Variants in GRIN3B observed in about 807,000 individuals in gnomAD.
GRIN3B encodes the protein glutamate ionotropic receptor NMDA type subunit 3B.
A neutral mutation model predicts 66.0 loss-of-function variants in GRIN3B; 77 were observed. The ratio of observed to expected loss-of-function variants is 1.17; its 90% CI spans 0.97 to 1.41. The LOEUF is 1.41. Ranked by LOEUF, GRIN3B falls within the 40% of genes most tolerant of loss-of-function variation. The pLI, the probability that GRIN3B is intolerant of heterozygous loss-of-function variation, is 0.00. For missense variants in GRIN3B, 1,787 were observed against 1,564.5 expected, an observed-to-expected ratio of 1.14 and a Z score of -2.40; for synonymous variants, 823 against 749.7, an observed-to-expected ratio of 1.10 and a Z score of -1.60.
Position 1,000,533 on chromosome 19 carries a change from C to T in GRIN3B, c.96C>T (p.Arg32=). Residue 32 remains arginine, a synonymous_variant, in exon 1 of 9, where the codon CGC becomes CGT. Transcript: ENST00000234389. Reference sequence around the variant, plus strand: ...CTCAGCCGTGCGGCGTCCTGGCGCGCCTCGGGGGCTCCGTGCGCCTGGGCG... The same window carrying T: ...CTCAGCCGTGCGGCGTCCTGGCGCGTCTCGGGGGCTCCGTGCGCCTGGGCG... ...GHPQPCGVLA[R]LGGSVRLGAL... is the part of the protein sequence containing the mutation. 6.0e-6 allele frequency: 7 copies of T among 1,168,788 alleles called. No homozygotes were observed. The highest frequency in any genetic ancestry group is 7.4e-6 in the Non-Finnish European group (7 of 947,604). 72.4% of individuals were successfully genotyped at this position (1,168,788 alleles called of 1,614,324 possible).
rs889997671 is a variant in GRIN3B, at chr19:1,003,721, C to G, written c.1018C>G (p.Arg340Gly). 7.1e-7 allele frequency: 1 copy of G among 1,399,882 alleles called. No homozygotes were observed. The highest frequency in any genetic ancestry group is 9.2e-7 in the Non-Finnish European group (1 of 1,083,088). The allele number at this position is 1,399,882 out of a possible 1,614,324, so 86.7% of individuals were successfully genotyped here. Residue 340 changes from arginine (R) to glycine (G), a missense_variant and splice_region_variant, in exon 2 of 9, where the codon CGG becomes GGG. Arg to Gly is a moderately radical substitution (Grantham distance 125). Coordinates refer to ENST00000234389, the MANE Select transcript of GRIN3B (RefSeq NM_138690.3). Reference protein sequence around the residue: ...GPESPGRFLARFLANTSFQGR... With the variant: ...GPESPGRFLAGFLANTSFQGR... ...CGAGTCCCCGGGGCGCTTCTTGGCACGGTGAGTGGGGACCCTGCTTCCCTT... is the reference window on the plus strand; with the variant it reads ...CGAGTCCCCGGGGCGCTTCTTGGCAGGGTGAGTGGGGACCCTGCTTCCCTT...
rs774406129 is a variant in GRIN3B, at chr19:1,003,153, C to T, written c.450C>T (p.His150=). ...AGAACCCATTCCACCTGCAGCTGCA[C>T]TGGGCCAGCCCCCTGGAGACGCTGC... ...GAPNPFHLQL[H]WASPLETLLD... The change falls in exon 2 of 9, where the codon CAC becomes CAT. Residue 150 remains histidine (H), a synonymous_variant. Coordinates refer to ENST00000234389, the MANE Select transcript of GRIN3B (RefSeq NM_138690.3). 2 of 1,466,774 alleles carry T rather than the reference C, an allele frequency of 1.4e-6. No homozygotes were observed. The highest frequency in any genetic ancestry group is 1.8e-6 in the Non-Finnish European group (2 of 1,111,958). The allele number at this position is 1,466,774 out of a possible 1,614,324, so 90.9% of individuals were successfully genotyped here.
At position 1,003,247 on chromosome 19, in the gene GRIN3B, C is replaced by G. The variant is rs780664333; in HGVS notation, c.544C>G (p.Gln182Glu). Residue 182 changes from glutamine (Q) to glutamate (E), a missense_variant, in exon 2 of 9, where the codon CAG becomes GAG. Gln to Glu is a conservative substitution (Grantham distance 29). Transcript: ENST00000234389. ...CGTCGGCCTGGCCCTGTGCCGCACTCAGGACCCCGGCGGCCTGGTGGCCCT... is the reference window on the plus strand; with the variant it reads ...CGTCGGCCTGGCCCTGTGCCGCACTGAGGACCCCGGCGGCCTGGTGGCCCT... Reference protein sequence around the residue: ...EDVGLALCRTQDPGGLVALWT... With the variant: ...EDVGLALCRTEDPGGLVALWT... 29 of 1,576,066 alleles carry G rather than the reference C, an allele frequency of 1.8e-5. No individual in the cohort carries two copies. Among genetic ancestry groups the G allele is most frequent in the East Asian group, 2.3e-5 (1 of 42,592 alleles).
In GRIN3B at chr19:1,009,398, G is replaced by A; in HGVS notation, c.2928G>A (p.Gly976=). The change falls in exon 9 of 9, where the codon GGG becomes GGA. Residue 976 remains glycine, a synonymous_variant. Transcript: ENST00000234389. ...GCCCGCCCGCCGCAAGGCCCACGGG[G>A]GCCCCCCAGCCCGGGGAGCTGCAGG... ...YGRPPAARPT[G]APQPGELQEL... is the part of the protein sequence containing the mutation. The A allele has an allele frequency of 7.1e-7, 1 of 1,417,548 alleles. No individual in the cohort carries two copies. 87.8% of individuals were successfully genotyped at this position (1,417,548 alleles called of 1,614,324 possible). A position where few individuals can be genotyped will look rare whatever the true frequency, so the allele number is the denominator to read the frequency against.
At chr19:1,003,067 G>A in intron 1 of GRIN3B, 63 bp from the exon 2 acceptor site, 3 of 1,191,906 alleles carry the variant, frequency 2.5e-6, no homozygotes, top group Non-Finnish European at 3.4e-6. Flanking sequence ...CCCGCTGCTG[G>A]GGTGGGAAGG....
rs1015511941 is a variant in GRIN3B, at chr19:1,002,239, G to A, written c.427-891G>A. The A allele has an allele frequency of 3.3e-5, 5 of 151,892 alleles. No individual in the cohort carries two copies. The East Asian group carries it at 9.7e-4, about 29-fold the overall frequency. The allele number at this position is 151,892 out of a possible 1,614,324, so 9.4% of individuals were successfully genotyped here. A position where few individuals can be genotyped will look rare whatever the true frequency, so the allele number is the denominator to read the frequency against. ...AGCTACTCAGGATATATATATATTG[G>A]CTGGGCACTGTGGCTCACGCCTGTA... On this transcript the variant is annotated intron_variant, in intron 1 of 8. Coordinates refer to ENST00000234389, the MANE Select transcript of GRIN3B (RefSeq NM_138690.3).
chr19:1,008,012 G>A, intron 5 of GRIN3B, 41 bp downstream of exon 5: 1 of 1,596,696 alleles, frequency 6.3e-7, no homozygotes, highest in Non-Finnish European at 8.6e-7. Context: ...GGGGTCTCTG[G>A]GGACCTCCTG....
intron 1 of GRIN3B, chr19:1,002,894 C>T: frequency 2.5e-6 from 1 of 407,368 alleles, no homozygotes; most frequent in Non-Finnish European, 4.3e-6. Flanking sequence ...ACAAAAAACA[C>T]CAAGTGTGCC....
At chr19:1,002,490 G>A (rs2038694368) in intron 1 of GRIN3B, 1 of 151,118 alleles carries the variant, frequency 6.6e-6, no homozygotes. Context: ...AAAAATCCAG[G>A]AGAACTTTCT....
rs61740285 is a variant in GRIN3B, at chr19:1,005,187, G to C, written c.1686G>C (p.Thr562=). 1.9e-6 allele frequency: 3 copies of C among 1,613,406 alleles called. No homozygotes were observed. The highest frequency in any genetic ancestry group is 1.1e-5 in the South Asian group (1 of 91,082). The change falls in exon 3 of 9, where the codon ACG becomes ACC. Residue 562 remains threonine (T), a synonymous_variant. Transcript: ENST00000234389. The surrounding 1 kb of genome is among the most constrained non-coding windows in gnomAD (Gnocchi z 5.2). The part of the protein sequence containing the change: ...SLGIMVRARD[T]ASPIGAFMWP... Reference sequence around the variant, plus strand: ...GCATCATGGTGCGGGCACGGGACACGGCCTCACCCATCGGTGCCTTTATGT... The same window carrying C: ...GCATCATGGTGCGGGCACGGGACACCGCCTCACCCATCGGTGCCTTTATGT...
At position 1,004,846 on chromosome 19, in the gene GRIN3B, G is replaced by T. The variant is rs1190517002; in HGVS notation, c.1345G>T (p.Gly449Cys). 3.1e-6 allele frequency: 5 copies of T among 1,611,852 alleles called. No individual in the cohort carries two copies. The highest frequency in any genetic ancestry group is 4.2e-6 in the Non-Finnish European group (5 of 1,179,080). The change falls in exon 3 of 9, where the codon GGC becomes TGC. Residue 449 changes from glycine to cysteine, a missense_variant. Gly to Cys is a radical substitution (Grantham distance 159, BLOSUM62 -3). Coordinates refer to ENST00000234389, the MANE Select transcript of GRIN3B (RefSeq NM_138690.3). ...AGCGGGGCAGCTGTGCCTGGACCCT[G>T]GCACCAACGACTCGGCCACCCTGGA... ...CPAGQLCLDPGTNDSATLDAL... is the reference protein window; with the variant it reads ...CPAGQLCLDPCTNDSATLDAL...
rs1393829583 is a variant in GRIN3B at position 1,003,566 on chromosome 19, C to G, written c.863C>G (p.Pro288Arg). The part of the protein sequence containing the change: ...LLALGEVARP[P>R]LEAAIHDIVQ... ...GCGCTGGGCGAGGTGGCACGACCCC[C>G]GCTGGAGGCCGCCATCCATGACATT... Residue 288 changes from proline to arginine, a missense_variant, in exon 2 of 9, where the codon CCG (proline) becomes CGG (arginine). Transcript: ENST00000234389. 1.3e-6 allele frequency: 2 copies of G among 1,501,082 alleles called. No individual in the cohort carries two copies. The highest frequency in any genetic ancestry group is 2.6e-5 in the East Asian group (1 of 38,696). 93.0% of individuals were successfully genotyped at this position (1,501,082 alleles called of 1,614,324 possible).
At position 1,004,812 on chromosome 19, in the gene GRIN3B, G is replaced by A; in HGVS notation, c.1311G>A (p.Gly437=). Residue 437 remains glycine, a synonymous_variant, in exon 3 of 9, where the codon GGG becomes GGA. Transcript: ENST00000234389. ...FVFARDPDED[G]QCPAGQLCLD... is the part of the protein sequence containing the mutation. ...TTGCCCGTGATCCAGACGAAGACGGGCAGTGCCCAGCGGGGCAGCTGTGCC... is the reference window on the plus strand; with the variant it reads ...TTGCCCGTGATCCAGACGAAGACGGACAGTGCCCAGCGGGGCAGCTGTGCC... 1 of 1,612,756 alleles carries A rather than the reference G, an allele frequency of 6.2e-7. No individual in the cohort carries two copies. The highest frequency in any genetic ancestry group is 8.5e-7 in the Non-Finnish European group (1 of 1,179,532).
rs533728508 is a variant in GRIN3B at position 1,003,408 on chromosome 19, G to A, written c.705G>A (p.Ala235=). The change falls in exon 2 of 9, where the codon GCG becomes GCA. Residue 235 remains alanine (A), a synonymous_variant. Coordinates refer to ENST00000234389, the MANE Select transcript of GRIN3B (RefSeq NM_138690.3). ...GGGGTGAAGCACCGGTACCCGCGGC[G>A]GTCCTCCTCGGCTGTGACATCGCCC... ...PVGGEAPVPA[A]VLLGCDIARA... is the part of the protein sequence containing the mutation. 1.4e-5 allele frequency: 22 copies of A among 1,549,500 alleles called. No individual in the cohort carries two copies. In the East Asian group the frequency reaches 1.7e-4, roughly 12 times the overall value.
rs758940693 is a variant in GRIN3B, at chr19:1,005,068, G to A, written c.1567G>A (p.Gly523Ser). 2.2e-5 allele frequency: 35 copies of A among 1,611,432 alleles called. No individual in the cohort carries two copies. The East Asian group carries it at 2.2e-4, about 10-fold the overall frequency. The change falls in exon 3 of 9, where the codon GGC (glycine) becomes AGC (serine). Residue 523 changes from glycine (G) to serine (S), a missense_variant. Transcript: ENST00000234389. This position sits in a 1 kb window ranked among gnomAD's most constrained non-coding sequence, Gnocchi z 5.2. ...WTGLVGDLLA[G>S]RAHMAVTSFS... Reference sequence around the variant, plus strand: ...CGGCCTGGTCGGGGACCTGCTGGCCGGCCGGGCCCACATGGCGGTCACCAG... The same window carrying A: ...CGGCCTGGTCGGGGACCTGCTGGCCAGCCGGGCCCACATGGCGGTCACCAG...
chr19:1,003,097 C>T (rs1277767229), intron 1 of GRIN3B, 33 bp from the exon 2 acceptor site: 29 of 1,372,366 alleles, frequency 2.1e-5, no homozygotes, highest in Non-Finnish European at 2.6e-5. Flanking sequence ...GGGTGGAGGT[C>T]GTCAACCCTA....
In GRIN3B at chr19:1,007,911, G is replaced by A. The variant is rs760293810; in HGVS notation, c.2254G>A (p.Glu752Lys). 8.7e-6 allele frequency: 14 copies of A among 1,611,786 alleles called. No individual in the cohort carries two copies. In the Admixed American group the frequency reaches 1.0e-4, roughly 12 times the overall value. The change falls in exon 5 of 9, where the codon GAG (glutamate) becomes AAG (lysine). Residue 752 changes from glutamate (E) to lysine (K), a missense_variant. Physicochemically the swap from Glu to Lys is moderately conservative, Grantham distance 56. Coordinates refer to ENST00000234389, the MANE Select transcript of GRIN3B (RefSeq NM_138690.3). This position sits in a 1 kb window ranked among gnomAD's most constrained non-coding sequence, Gnocchi z 4.4. ...FIMDKSLLDY[E>K]VSIDADCKLL... ...CATGGACAAGTCGCTCCTGGACTAC[G>A]AGGTCTCCATCGACGCCGACTGCAA... is the stretch of plus-strand genomic sequence containing the variant.
In GRIN3B at chr19:1,000,635, G is replaced by A. The variant is rs1195536242; in HGVS notation, c.198G>A (p.Leu66=). The change falls in exon 1 of 9, where the codon CTG becomes CTA. Residue 66 remains leucine, a synonymous_variant. Coordinates refer to ENST00000234389, the MANE Select transcript of GRIN3B (RefSeq NM_138690.3). ...ALARAALAPR[L]PHNLSLELVV... is the part of the protein sequence containing the mutation. Reference sequence around the variant, plus strand: ...CCCGGGCCGCCCTGGCGCCGCGGCTGCCGCACAACCTGAGCTTGGAGCTGG... The same window carrying A: ...CCCGGGCCGCCCTGGCGCCGCGGCTACCGCACAACCTGAGCTTGGAGCTGG... 47 of 1,220,308 alleles carry A rather than the reference G, an allele frequency of 3.9e-5. No homozygotes were observed. The highest frequency in any genetic ancestry group is 4.4e-5 in the Non-Finnish European group (43 of 981,624). 75.6% of individuals were successfully genotyped at this position (1,220,308 alleles called of 1,614,324 possible).
At position 1,009,415 on chromosome 19, in the gene GRIN3B, A is replaced by G; in HGVS notation, c.2945A>G (p.Glu982Gly). 6.9e-7 allele frequency: 1 copy of G among 1,439,774 alleles called. No homozygotes were observed. The highest frequency in any genetic ancestry group is 2.8e-5 in the Admixed American group (1 of 35,908). 89.2% of individuals were successfully genotyped at this position (1,439,774 alleles called of 1,614,324 possible). ...ARPTGAPQPG[E>G]LQELERRIEV... Reference sequence around the variant, plus strand: ...CCCACGGGGGCCCCCCAGCCCGGGGAGCTGCAGGAGCTGGAGCGCCGCATC... The same window carrying G: ...CCCACGGGGGCCCCCCAGCCCGGGGGGCTGCAGGAGCTGGAGCGCCGCATC... Residue 982 changes from glutamate to glycine, a missense_variant, in exon 9 of 9, where the codon GAG (glutamate) becomes GGG (glycine). Glu to Gly is a moderately conservative substitution (Grantham distance 98, BLOSUM62 -2). Transcript: ENST00000234389.
Sources: gnomAD v4.1 joint callset for allele counts on GRCh38, gnomAD v4.1.1 for gene constraint, Gnocchi (gnomAD v3.1) non-coding constraint, MANE v1.5 for transcripts, NCBI Gene and HGNC (gene_info 2026-07-23, HGNC 2026-07-21) for gene names.